Variants in TENM2 observed in about 807,000 individuals in gnomAD.
The protein encoded by TENM2 is teneurin-2.
A neutral mutation model predicts 245.2 loss-of-function variants in TENM2; 52 were observed. The observed-to-expected ratio is 0.21, with a 90% CI of 0.17 to 0.27. The LOEUF is 0.27. Ranked by LOEUF, TENM2 falls within the 10% of genes least tolerant of loss-of-function variation. TENM2 has a pLI of 1.00. For synonymous variants in TENM2, 1,363 were observed against 1,438.9 expected (o/e 0.95, Z 1.19); for missense variants, 3,046 against 3,666.8 (o/e 0.83, Z 4.37).
intron 2 of TENM2, among the ~76,000 whole-genome samples, chr5:167,595,855 C>T (rs1355574228): frequency 2.0e-5 from 3 of 152,098 alleles, no homozygotes; most frequent in Non-Finnish European, 4.4e-5. Flanking sequence ...CACCGTGTTT[C>T]CCTTCCCTCT....
intron 2 of TENM2, among the ~76,000 whole-genome samples, chr5:167,613,032 A>G (rs1777573025): frequency 6.6e-6 from 1 of 152,186 alleles, no homozygotes; most frequent in Non-Finnish European, 1.5e-5. Context: ...CGCATGGAAG[A>G]GTCAGATCTG....
chr5:166,987,700 C>T, the TENM2 span, among the ~76,000 whole-genome samples: 3 of 152,112 alleles, frequency 2.0e-5, no homozygotes, highest in South Asian at 2.1e-4. Context: ...TAGGATGTGC[C>T]GGTTGCCTGT....
rs183185485 is a variant in TENM2, at chr5:167,863,510, G to A, written c.503-12476G>A. 3.2e-3 allele frequency among the ~76,000 whole-genome samples: 490 copies of A among 152,048 alleles called. 1 individual carries two copies. The highest frequency in any genetic ancestry group is 0.011 in the African/African-American group (450 of 41,440). ...ACACACAAAATTAGCCAGGCGTGGTGGCATGTGCCTGTAATCCCAGCTAAT... is the reference window on the plus strand; with the variant it reads ...ACACACAAAATTAGCCAGGCGTGGTAGCATGTGCCTGTAATCCCAGCTAAT... On this transcript the variant is annotated intron_variant, in intron 2 of 28. Transcript: ENST00000518659.
intron 2 of TENM2, among the ~76,000 whole-genome samples, chr5:167,408,794 A>G (rs1008029125): frequency 6.7e-6 from 1 of 150,048 alleles, no homozygotes; most frequent in African/African-American, 2.4e-5. Context: ...TCTTATACAT[A>G]TATATATATA....
intron 3 of TENM2, among the ~76,000 whole-genome samples, chr5:167,925,854 C>G (rs1181531792): frequency 6.6e-6 from 1 of 152,150 alleles, no homozygotes; most frequent in Non-Finnish European, 1.5e-5. Context: ...AATGCAGGAA[C>G]AGAAAGCCAA....
intron 2 of TENM2, among the ~76,000 whole-genome samples, chr5:167,782,605 G>A (rs993647429): frequency 6.6e-6 from 1 of 152,120 alleles, no homozygotes; most frequent in Non-Finnish European, 1.5e-5. Context: ...GTAAATGCAA[G>A]AGAAGGGAGG....
At chr5:168,170,358 G>T (rs1758693871) in intron 13 of TENM2, among the ~76,000 whole-genome samples, 1 of 152,034 alleles carries the variant, frequency 6.6e-6, no homozygotes, top group African/African-American at 2.4e-5. Context: ...ACAAAAATTA[G>T]CCGGGCATAG....
chr5:167,252,772 C>T, the TENM2 span, among the ~76,000 whole-genome samples: 2 of 152,014 alleles, frequency 1.3e-5, no homozygotes, highest in Admixed American at 6.6e-5. Context: ...TCCTTTACAC[C>T]ATTAACACAA....
At chr5:168,245,939 A>C (rs1424968720) in intron 26 of TENM2, among the ~76,000 whole-genome samples, 1 of 152,062 alleles carries the variant, frequency 6.6e-6, no homozygotes, top group African/African-American at 2.4e-5. Context: ...GTAGCTTCAA[A>C]ATGCAGGATG....
chr5:167,880,506 CAT>C (rs1773792534), intron 3 of TENM2, among the ~76,000 whole-genome samples: 1 of 151,148 alleles, frequency 6.6e-6, no homozygotes, highest in Non-Finnish European at 1.5e-5. Context: ...AAAAGGGAAA[CAT>C]AGGGAAAAGA....
chr5:167,039,731 A>ATT, the TENM2 span, among the ~76,000 whole-genome samples: 937 of 151,468 alleles, frequency 6.2e-3, 8 homozygotes, highest in African/African-American at 0.02. Context: ...TTAAAGATGT[A>ATT]TTTTTTTTTC....
rs147143086 is a variant in TENM2 at position 167,285,496 on chromosome 5, A to G, written c.226+433A>G. On this transcript the variant is annotated intron_variant, in intron 1 of 28. Coordinates refer to ENST00000518659, the Ensembl canonical transcript of TENM2. ...GTGGCCACATGTATGTTATTTTCCA[A>G]TTCCACTGATGTAATTATCCCTCCT... Among the ~76,000 whole-genome samples, 474 of 152,212 alleles carry G rather than the reference A, an allele frequency of 3.1e-3. 14 individuals carry two copies. The East Asian group carries it at 0.06, about 19-fold the overall frequency.
chr5:167,005,535 T>C, the TENM2 span, among the ~76,000 whole-genome samples: 13 of 152,046 alleles, frequency 8.6e-5, no homozygotes, highest in Non-Finnish European at 1.6e-4. Flanking sequence ...ATACTGAACT[T>C]TTAACTCACA....
intron 4 of TENM2, among the ~76,000 whole-genome samples, chr5:167,978,287 A>G (rs1263990819): frequency 6.6e-6 from 1 of 152,234 alleles, no homozygotes; most frequent in Non-Finnish European, 1.5e-5. Flanking sequence ...CAAAGCTTTC[A>G]AAGCAGGTGC....
At chr5:167,144,126 C>T in the TENM2 span, among the ~76,000 whole-genome samples, 4 of 151,580 alleles carry the variant, frequency 2.6e-5, no homozygotes, top group East Asian at 1.9e-4. Context: ...ACGGGTGTGA[C>T]GTAAACATCT....
intron 3 of TENM2, among the ~76,000 whole-genome samples, chr5:167,935,359 C>T (rs1008215867): frequency 6.6e-6 from 1 of 152,128 alleles, no homozygotes; most frequent in Non-Finnish European, 1.5e-5. Flanking sequence ...CATTTAGGAA[C>T]CCCCTGGAAT....
the TENM2 span, among the ~76,000 whole-genome samples, chr5:167,236,895 T>TG: frequency 6.6e-6 from 1 of 152,144 alleles, no homozygotes; most frequent in Non-Finnish European, 1.5e-5. Context: ...TTTTTTTTTT[T>TG]TCAATCTGAA....
intron 2 of TENM2, among the ~76,000 whole-genome samples, chr5:167,528,343 G>A (rs557654810): frequency 4.5e-4 from 68 of 152,270 alleles, no homozygotes; most frequent in African/African-American, 1.4e-3. Flanking sequence ...CTTGCTGCCA[G>A]ATGGAAGAGG....
chr5:167,500,016 GTGTA>G (rs1472810845), intron 2 of TENM2, among the ~76,000 whole-genome samples: 1 of 147,110 alleles, frequency 6.8e-6, no homozygotes, highest in East Asian at 2.1e-4. Context: ...GTGTGTGTAT[GTGTA>G]TGTGAGGGTG....
Sources: allele counts gnomAD v4.1 joint callset (sites outside exome capture counted in the v4.1 genomes callset), GRCh38; gene constraint gnomAD v4.1.1; transcripts MANE v1.5; gene names NCBI Gene and HGNC (gene_info 2026-07-23, HGNC 2026-07-21).